ERBB4: variants seen among roughly 807,000 people sequenced by gnomAD.
ERBB4 encodes the protein receptor tyrosine-protein kinase erbB-4.
In ERBB4, 42 loss-of-function variants were observed where a neutral mutation model predicts 158.0. The ratio of observed to expected loss-of-function variants is 0.27; its 90% CI spans 0.21 to 0.34. The LOEUF (loss-of-function observed/expected upper bound fraction) is 0.34. ERBB4 is among the 10% of genes least tolerant of loss of function. The probability of loss-of-function intolerance (pLI) is 1.00; values close to 1 mark genes in which losing one functional copy is unlikely to be tolerated. For missense variants in ERBB4, 1,333 were observed against 1,624.1 expected, an observed-to-expected ratio of 0.82 and a Z score of 3.08; for synonymous variants, 583 against 558.7, an observed-to-expected ratio of 1.04 and a Z score of -0.61.
At chr2:212,477,196 A>G (rs1056434778) in intron 1 of ERBB4, among the ~76,000 whole-genome samples, 2 of 152,152 alleles carry the variant, frequency 1.3e-5, no homozygotes, top group Non-Finnish European at 2.9e-5. Context: ...TAAAAATGAC[A>G]AAGTAGTACA....
At chr2:212,472,534 TAA>T (rs531185412) in intron 1 of ERBB4, among the ~76,000 whole-genome samples, 1 of 147,880 alleles carries the variant, frequency 6.8e-6, no homozygotes, top group Non-Finnish European at 1.5e-5. Context: ...AGTTCCATAT[TAA>T]AAAAAAAACC....
At chr2:211,983,755 T>C (rs2081866037) in intron 2 of ERBB4, among the ~76,000 whole-genome samples, 1 of 152,162 alleles carries the variant, frequency 6.6e-6, no homozygotes, top group African/African-American at 2.4e-5. Flanking sequence ...TCTAGTCAAC[T>C]AACAGCTTCA....
chr2:211,476,930 G>A lies in ERBB4; in HGVS notation c.2488-45830C>T, dbSNP rs114993299. On this transcript the variant is annotated intron_variant, in intron 20 of 27. Transcript: ENST00000342788. The stretch of plus-strand genomic sequence containing the variant: ...AAATAAATTGCAAAGGAAAAAGAGT[G>A]CAGGGAGGGATAAACCTATATGTGA... Among the ~76,000 whole-genome samples the A allele has an allele frequency of 6.6e-3, 1,001 of 152,162 alleles. 9 individuals are homozygous for A. The highest frequency in any genetic ancestry group is 0.023 in the African/African-American group (937 of 41,536).
At chr2:211,815,110 G>A (rs1011402227) in intron 3 of ERBB4, among the ~76,000 whole-genome samples, 2 of 151,980 alleles carry the variant, frequency 1.3e-5, no homozygotes, top group African/African-American at 2.4e-5. Flanking sequence ...ATTTCTATAA[G>A]AACAGTCTTC....
At chr2:211,921,253 T>G (rs2079850890) in intron 3 of ERBB4, among the ~76,000 whole-genome samples, 1 of 152,032 alleles carries the variant, frequency 6.6e-6, no homozygotes, top group Admixed American at 6.6e-5. Context: ...CTTTCCTTTT[T>G]CCCTCTCTTT....
chr2:212,245,983 T>A (rs987567354), intron 1 of ERBB4, among the ~76,000 whole-genome samples: 1 of 152,128 alleles, frequency 6.6e-6, no homozygotes, highest in African/African-American at 2.4e-5. Flanking sequence ...GCATCCTGAG[T>A]CAACAGGCTT....
At chr2:212,294,663 ACT>A (rs1574620635) in intron 1 of ERBB4, among the ~76,000 whole-genome samples, 1 of 152,112 alleles carries the variant, frequency 6.6e-6, no homozygotes, top group Non-Finnish European at 1.5e-5. Context: ...TCAAAAATTT[ACT>A]TTTTAAAATT....
intron 1 of ERBB4, among the ~76,000 whole-genome samples, chr2:212,349,287 T>TCTCA (rs373195887): frequency 6.8e-6 from 1 of 146,376 alleles, no homozygotes; most frequent in Non-Finnish European, 1.5e-5. Flanking sequence ...AACTTCTTAA[T>TCTCA]CACACACACA....
At chr2:212,535,775 T>C (rs1282207762) in intron 1 of ERBB4, among the ~76,000 whole-genome samples, 1 of 152,144 alleles carries the variant, frequency 6.6e-6, no homozygotes, top group African/African-American at 2.4e-5. Context: ...ACATCCTCTC[T>C]AATGCTGAAT....
intron 1 of ERBB4, among the ~76,000 whole-genome samples, chr2:212,299,299 T>C (rs1319831198): frequency 6.6e-6 from 1 of 151,742 alleles, no homozygotes; most frequent in Non-Finnish European, 1.5e-5. Flanking sequence ...TTATGGTTCA[T>C]TAAATCCTAA....
At chr2:211,549,546 T>C (rs763175254) in intron 20 of ERBB4, among the ~76,000 whole-genome samples, 1 of 152,090 alleles carries the variant, frequency 6.6e-6, no homozygotes, top group African/African-American at 2.4e-5. Flanking sequence ...CCTAGCCACG[T>C]TGATCGGGTA....
At chr2:212,291,058 C>T (rs939700679) in intron 1 of ERBB4, among the ~76,000 whole-genome samples, 2 of 152,022 alleles carry the variant, frequency 1.3e-5, no homozygotes, top group East Asian at 1.9e-4. Flanking sequence ...ATGGCCTCTA[C>T]CAACACACAT....
At chr2:212,126,460 C>CAAAA (rs10585812) in intron 1 of ERBB4, among the ~76,000 whole-genome samples, 6 of 70,692 alleles carry the variant, frequency 8.5e-5, no homozygotes, top group South Asian at 6.3e-4. Context: ...GACTCTGTCT[C>CAAAA]AAAAAAAAAA....
intron 1 of ERBB4, among the ~76,000 whole-genome samples, chr2:212,517,522 G>A (rs1443269399): frequency 6.6e-6 from 1 of 152,080 alleles, no homozygotes; most frequent in Non-Finnish European, 1.5e-5. Flanking sequence ...TTTGCAATGT[G>A]TTGAGTGGTA....
intron 9 of ERBB4, among the ~76,000 whole-genome samples, chr2:211,706,615 A>G (rs113965420): frequency 6.6e-6 from 1 of 151,300 alleles, no homozygotes; most frequent in African/African-American, 2.4e-5. Flanking sequence ...AAAAAAAAAA[A>G]CAAAAAAAAC....
chr2:211,760,555 C>A (rs2075384636), intron 4 of ERBB4, among the ~76,000 whole-genome samples: 1 of 152,194 alleles, frequency 6.6e-6, no homozygotes, highest in Non-Finnish European at 1.5e-5. Context: ...ATCAACATTT[C>A]ATGTAAGTAT....
intron 2 of ERBB4, among the ~76,000 whole-genome samples, chr2:212,049,608 A>C (rs1230743224): frequency 1.1e-4 from 17 of 152,214 alleles, no homozygotes; most frequent in Admixed American, 1.1e-3. Flanking sequence ...TAAAGTCATC[A>C]GAAAAAAATG....
intron 3 of ERBB4, among the ~76,000 whole-genome samples, chr2:211,860,070 T>C (rs1428208191): frequency 6.6e-6 from 1 of 152,188 alleles, no homozygotes; most frequent in African/African-American, 2.4e-5. Context: ...TTGTCATTCA[T>C]TTTAAATATT....
In ERBB4 at chr2:212,161,060, T is replaced by C. The variant is rs1196862880; in HGVS notation, c.83-36157A>G. Among the ~76,000 whole-genome samples, 2 of 151,992 alleles carry C rather than the reference T, an allele frequency of 1.3e-5. 1 individual carries two copies. ...TTAATATCCCATAAATATTCATAAA[T>C]ATGTCATCTCCACAAGCTTATAATG... On this transcript the variant is annotated intron_variant, in intron 1 of 27. Transcript: ENST00000342788.
Sources: gnomAD v4.1 joint callset for allele counts (sites outside exome capture counted in the v4.1 genomes callset) on GRCh38, gnomAD v4.1.1 for gene constraint, MANE v1.5 for transcripts, NCBI Gene and HGNC (gene_info 2026-07-23, HGNC 2026-07-21) for gene names.